The following HMX3 variants were observed in gnomAD, a reference collection of about 807,000 sequenced individuals.
The protein encoded by HMX3 is homeobox protein HMX3.
In HMX3, 8 loss-of-function variants were observed where a neutral mutation model predicts 22.8. That is an observed-to-expected ratio of 0.35 (90% CI 0.21 to 0.63). The LOEUF (loss-of-function observed/expected upper bound fraction) is 0.63, where lower values mean the gene tolerates loss of function less well. HMX3 is among the 30% of genes least tolerant of loss of function. The pLI is 0.72. For synonymous variants in HMX3, 331 were observed against 250.9 expected (o/e 1.32, Z -3.02); for missense variants, 527 against 520.6 (o/e 1.01, Z -0.12).
Position 123,137,356 on chromosome 10 carries a change from C to G in HMX3, c.699C>G (p.Val233=). The G allele has an allele frequency of 6.2e-7, 1 of 1,613,194 alleles. No individual in the cohort carries two copies. Among genetic ancestry groups the G allele is most frequent in the Non-Finnish European group, 8.5e-7 (1 of 1,179,888 alleles). ...GCCGCAAGAAGAAGACGCGCACAGT[C>G]TTCTCGCGCAGCCAGGTCTTCCAGC... is the stretch of plus-strand genomic sequence containing the variant. The part of the protein sequence containing the change: ...PACRKKKTRT[V]FSRSQVFQLE... The change falls in exon 2 of 2, where the codon GTC becomes GTG. Residue 233 remains valine (V), a synonymous_variant. Transcript: ENST00000357878. The surrounding 1 kb of genome is among the most constrained non-coding windows in gnomAD (Gnocchi z 5.8).
rs1844101823 is a variant in HMX3, at chr10:123,138,384, G to A, written c.*653G>A. Among the ~76,000 whole-genome samples, 1 of 152,168 alleles carries A rather than the reference G, an allele frequency of 6.6e-6. No homozygotes were observed. The highest frequency in any genetic ancestry group is 2.1e-4 in the South Asian group (1 of 4,826). On this transcript the variant is annotated 3_prime_UTR_variant, in exon 2 of 2. Transcript: ENST00000357878. ...AGGCTGGTCTTGAGCTCCTGACCTC[G>A]TGATCCGCCCGCCTCGGCCTCCCAA...
rs1589677911 is a variant in HMX3 at position 123,136,045 on chromosome 10, G to C, written c.-6G>C. On this transcript the variant is annotated 5_prime_UTR_variant, in exon 1 of 2. Transcript: ENST00000357878. The surrounding 1 kb of genome is among the most constrained non-coding windows in gnomAD (Gnocchi z 4.8). ...TCCCTCCCGGGGACCCGGAGGAGAGGGGACCATGCCGGAACCCGGGCCGGA... is the reference window on the plus strand; with the variant it reads ...TCCCTCCCGGGGACCCGGAGGAGAGCGGACCATGCCGGAACCCGGGCCGGA... 8 of 1,375,202 alleles carry C rather than the reference G, an allele frequency of 5.8e-6. No individual in the cohort carries two copies. In the East Asian group the frequency reaches 2.5e-4, roughly 42 times the overall value. 85.2% of individuals were successfully genotyped at this position (1,375,202 alleles called of 1,614,324 possible).
rs985029795 is a variant in HMX3 at position 123,138,420 on chromosome 10, T to C, written c.*689T>C. On this transcript the variant is annotated 3_prime_UTR_variant, in exon 2 of 2. Coordinates refer to ENST00000357878, the MANE Select transcript of HMX3 (RefSeq NM_001105574.2). ...GCCTCGGCCTCCCAAAGTGCTGGGA[T>C]TACAGGCGTGAGCCACTGCGCCCGG... Among the ~76,000 whole-genome samples, 1 of 152,164 alleles carries C rather than the reference T, an allele frequency of 6.6e-6. No homozygotes were observed. The highest frequency in any genetic ancestry group is 2.4e-5 in the African/African-American group (1 of 41,436).
Position 123,136,724 on chromosome 10 carries a change from G to A in HMX3, c.400+274G>A, listed in dbSNP as rs913288221. ...AATAGGGAGGCTTCGGACGGCCGGG[G>A]CTTGGGACACGGCCTGGAAGGAGGG... On this transcript the variant is annotated intron_variant, in intron 1 of 1. Coordinates refer to ENST00000357878, the MANE Select transcript of HMX3 (RefSeq NM_001105574.2). The surrounding 1 kb of genome is among the most constrained non-coding windows in gnomAD (Gnocchi z 4.8). Among the ~76,000 whole-genome samples the A allele has an allele frequency of 6.6e-6, 1 of 152,204 alleles. No homozygotes were observed. Among genetic ancestry groups the A allele is most frequent in the African/African-American group, 2.4e-5 (1 of 41,448 alleles).
Position 123,137,464 on chromosome 10 carries a change from G to A in HMX3, c.807G>A (p.Thr269=), listed in dbSNP as rs1220543013. Residue 269 remains threonine, a synonymous_variant, in exon 2 of 2, where the codon ACG becomes ACA. Coordinates refer to ENST00000357878, the MANE Select transcript of HMX3 (RefSeq NM_001105574.2). The surrounding 1 kb of genome is among the most constrained non-coding windows in gnomAD (Gnocchi z 5.8). ...CCGCGTCCCTGCACCTCACCGAGAC[G>A]CAGGTCAAGATCTGGTTCCAGAACC... is the stretch of plus-strand genomic sequence containing the variant. ...GLAASLHLTE[T]QVKIWFQNRR... The A allele has an allele frequency of 1.1e-5, 17 of 1,613,098 alleles. No individual in the cohort carries two copies. Among genetic ancestry groups the A allele is most frequent in the Non-Finnish European group, 1.4e-5 (16 of 1,179,914 alleles).
Position 123,136,597 on chromosome 10 carries a change from G to C in HMX3, c.400+147G>C. ...TTTTCGGCCCCTAGCCTGCCCTCGC[G>C]CTGGGTTGCGCTGCCCGTTAATCCA... On this transcript the variant is annotated intron_variant, in intron 1 of 1. Transcript: ENST00000357878. The surrounding 1 kb of genome is among the most constrained non-coding windows in gnomAD (Gnocchi z 4.8). The C allele has an allele frequency of 7.3e-6, 4 of 545,146 alleles. No individual in the cohort carries two copies. Among genetic ancestry groups the C allele is most frequent in the Non-Finnish European group, 1.1e-5 (4 of 348,712 alleles). 33.8% of individuals were successfully genotyped at this position (545,146 alleles called of 1,614,324 possible). A position where few individuals can be genotyped will look rare whatever the true frequency, so the allele number is the denominator to read the frequency against.
rs757086716 is a variant in HMX3, at chr10:123,137,509, G to C, written c.852G>C (p.Arg284=). ...WFQNRRNKWK[R]QLAAELEAAN... ...AGAACCGCCGCAACAAGTGGAAGCG[G>C]CAGCTGGCGGCGGAGCTGGAGGCGG... The change falls in exon 2 of 2, where the codon CGG becomes CGC. Residue 284 remains arginine, a synonymous_variant. Coordinates refer to ENST00000357878, the MANE Select transcript of HMX3 (RefSeq NM_001105574.2). This position sits in a 1 kb window ranked among gnomAD's most constrained non-coding sequence, Gnocchi z 5.8. 5 of 1,612,740 alleles carry C rather than the reference G, an allele frequency of 3.1e-6. No individual in the cohort carries two copies. The Admixed American group carries it at 8.3e-5, about 27-fold the overall frequency.
chr10:123,138,412 T>C lies in HMX3; in HGVS notation c.*681T>C, dbSNP rs1470766856. Among the ~76,000 whole-genome samples, 1 of 152,146 alleles carries C rather than the reference T, an allele frequency of 6.6e-6. No homozygotes were observed. The highest frequency in any genetic ancestry group is 2.4e-5 in the African/African-American group (1 of 41,432). ...ATCCGCCCGCCTCGGCCTCCCAAAG[T>C]GCTGGGATTACAGGCGTGAGCCACT... On this transcript the variant is annotated 3_prime_UTR_variant, in exon 2 of 2. Transcript: ENST00000357878.
At position 123,136,140 on chromosome 10, in the gene HMX3, G is replaced by A. The variant is rs201518175; in HGVS notation, c.90G>A (p.Pro30=). Residue 30 remains proline, a synonymous_variant, in exon 1 of 2, where the codon CCG becomes CCA. Transcript: ENST00000357878. The surrounding 1 kb of genome is among the most constrained non-coding windows in gnomAD (Gnocchi z 4.8). ...CCCCACCCGCTCCCAAGGAGTCCCC[G>A]TTCTCCATCAAGAACCTGCTCAACG... The part of the protein sequence containing the change: ...PPPPPAPKES[P]FSIKNLLNGD... The A allele has an allele frequency of 0.021, 11,642 of 566,122 alleles. 162 individuals are homozygous for A. Among genetic ancestry groups the A allele is most frequent in the East Asian group, 0.15 (2,020 of 13,798 alleles). 35.1% of individuals were successfully genotyped at this position (566,122 alleles called of 1,614,324 possible).
chr10:123,139,232 C>A lies in HMX3; in HGVS notation c.*1501C>A, dbSNP rs878939610. Among the ~76,000 whole-genome samples, 2 of 152,080 alleles carry A rather than the reference C, an allele frequency of 1.3e-5. No individual in the cohort carries two copies. The highest frequency in any genetic ancestry group is 2.9e-5 in the Non-Finnish European group (2 of 68,004). ...ACCCTCTACTCCGCAGGGCTCCTGG[C>A]TCTGTCACCCAATCTGTTTTCTTTC... On this transcript the variant is annotated 3_prime_UTR_variant, in exon 2 of 2. Transcript: ENST00000357878.
rs960461497 is a variant in HMX3 at position 123,138,365 on chromosome 10, G to T, written c.*634G>T. ...CGGTTTCACCATGTTGGCCAGGCTGGTCTTGAGCTCCTGACCTCGTGATCC... is the reference window on the plus strand; with the variant it reads ...CGGTTTCACCATGTTGGCCAGGCTGTTCTTGAGCTCCTGACCTCGTGATCC... On this transcript the variant is annotated 3_prime_UTR_variant, in exon 2 of 2. Coordinates refer to ENST00000357878, the MANE Select transcript of HMX3 (RefSeq NM_001105574.2). Among the ~76,000 whole-genome samples the T allele has an allele frequency of 1.2e-4, 18 of 151,938 alleles. No individual in the cohort carries two copies. The highest frequency in any genetic ancestry group is 1.9e-4 in the Non-Finnish European group (13 of 67,942).
Position 123,137,802 on chromosome 10 carries a change from G to C in HMX3, c.*71G>C. ...ACCCCGGAGGAGACTGGGCCGGGCC[G>C]AGGGCGCCGAGAAGTCCAGCGGCCT... On this transcript the variant is annotated 3_prime_UTR_variant, in exon 2 of 2. Coordinates refer to ENST00000357878, the MANE Select transcript of HMX3 (RefSeq NM_001105574.2). The surrounding 1 kb of genome is among the most constrained non-coding windows in gnomAD (Gnocchi z 5.8). The C allele has an allele frequency of 2.5e-6, 3 of 1,215,786 alleles. No homozygotes were observed. The highest frequency in any genetic ancestry group is 1.6e-5 in the African/African-American group (1 of 62,210). The allele number at this position is 1,215,786 out of a possible 1,614,324, so 75.3% of individuals were successfully genotyped here.
chr10:123,136,972 GT>G lies in HMX3; in HGVS notation c.401-84del. On this transcript the variant is annotated intron_variant, in intron 1 of 1. Transcript: ENST00000357878. The surrounding 1 kb of genome is among the most constrained non-coding windows in gnomAD (Gnocchi z 4.8). ...GCCTGGGACCTGGAGGCCGGCGCGG[GT>G]TGAGCCTGCCGTCCCCAGGCGCCGG... is the stretch of plus-strand genomic sequence containing the variant. 1 of 1,440,678 alleles carries G rather than the reference GT, an allele frequency of 6.9e-7. No individual in the cohort carries two copies. The highest frequency in any genetic ancestry group is 9.2e-7 in the Non-Finnish European group (1 of 1,089,272). The allele number at this position is 1,440,678 out of a possible 1,614,324, so 89.2% of individuals were successfully genotyped here. A position where few individuals can be genotyped will look rare whatever the true frequency, so the allele number is the denominator to read the frequency against.
chr10:123,136,424 C>T lies in HMX3; in HGVS notation c.374C>T (p.Ala125Val). The T allele has an allele frequency of 1.3e-6, 2 of 1,481,526 alleles. No individual in the cohort carries two copies. The highest frequency in any genetic ancestry group is 1.8e-6 in the Non-Finnish European group (2 of 1,113,408). 91.8% of individuals were successfully genotyped at this position (1,481,526 alleles called of 1,614,324 possible). The stretch of plus-strand genomic sequence containing the variant: ...TGGTACCCCTACACCCTGACCCCCG[C>T]CGGCGGCCACCTCCCGCGACCTGAA... ...AWWYPYTLTP[A>V]GGHLPRPEAS... Residue 125 changes from alanine (A) to valine (V), a missense_variant, in exon 1 of 2, where the codon GCC becomes GTC. Transcript: ENST00000357878. This position sits in a 1 kb window ranked among gnomAD's most constrained non-coding sequence, Gnocchi z 4.8.
rs1190645562 is a variant in HMX3, at chr10:123,138,035, A to G, written c.*304A>G. Among the ~76,000 whole-genome samples the G allele has an allele frequency of 1.3e-5, 2 of 152,244 alleles. No homozygotes were observed. Among genetic ancestry groups the G allele is most frequent in the Non-Finnish European group, 2.9e-5 (2 of 68,046 alleles). On this transcript the variant is annotated 3_prime_UTR_variant, in exon 2 of 2. Coordinates refer to ENST00000357878, the MANE Select transcript of HMX3 (RefSeq NM_001105574.2). ...AGAGATTTCGGCCGATAGTTTTTGT[A>G]AAATGTGCAGCCCTCCCTTCCAAAT...
In HMX3 at chr10:123,136,108, C is replaced by A; in HGVS notation, c.58C>A (p.Pro20Thr). 7.3e-7 allele frequency: 1 copy of A among 1,376,408 alleles called. No individual in the cohort carries two copies. 85.3% of individuals were successfully genotyped at this position (1,376,408 alleles called of 1,614,324 possible). The change falls in exon 1 of 2, where the codon CCG (proline) becomes ACG (threonine). Residue 20 changes from proline to threonine, a missense_variant. By Grantham distance (38) the Pro-to-Thr change is conservative (BLOSUM62 -1). Around this residue, in one of 3 missense-constraint regions of HMX3, gnomAD observed 386 missense variants for 337.8 expected, o/e 1.14. Transcript: ENST00000357878. The surrounding 1 kb of genome is among the most constrained non-coding windows in gnomAD (Gnocchi z 4.8). The stretch of plus-strand genomic sequence containing the variant: ...CGCCAGCGCACAGCCCCAACCGCCG[C>A]CGCCCCCCCCACCCGCTCCCAAGGA... ...GTASAQPQPP[P>T]PPPPAPKESP...
Position 123,138,749 on chromosome 10 carries a change from C to T in HMX3, c.*1018C>T, listed in dbSNP as rs974603663. 3.9e-5 allele frequency among the ~76,000 whole-genome samples: 6 copies of T among 152,198 alleles called. No homozygotes were observed. Among genetic ancestry groups the T allele is most frequent in the Admixed American group, 1.3e-4 (2 of 15,288 alleles). ...AAATCAGAACTCTGACTATTTGAAA[C>T]AGCTCCATATCTGGCCTGGTCTAAG... is the stretch of plus-strand genomic sequence containing the variant. On this transcript the variant is annotated 3_prime_UTR_variant, in exon 2 of 2. Coordinates refer to ENST00000357878, the MANE Select transcript of HMX3 (RefSeq NM_001105574.2).
chr10:123,136,349 C>A lies in HMX3; in HGVS notation c.299C>A (p.Ala100Glu). Residue 100 changes from alanine to glutamate, a missense_variant, in exon 1 of 2, where the codon GCG (alanine) becomes GAG (glutamate). Ala to Glu is a moderately radical substitution (Grantham distance 107). Around this residue, in one of 3 missense-constraint regions of HMX3, gnomAD observed 386 missense variants for 337.8 expected, o/e 1.14. Transcript: ENST00000357878. The surrounding 1 kb of genome is among the most constrained non-coding windows in gnomAD (Gnocchi z 4.8). Reference sequence around the variant, plus strand: ...GCTTTCCCTCGCTTTGAGATCCCGGCGCAGAGGTTTGCCCTGCCCGCGCAC... The same window carrying A: ...GCTTTCCCTCGCTTTGAGATCCCGGAGCAGAGGTTTGCCCTGCCCGCGCAC... ...DLAFPRFEIP[A>E]QRFALPAHYL... 41 of 1,571,596 alleles carry A rather than the reference C, an allele frequency of 2.6e-5. No homozygotes were observed. The highest frequency in any genetic ancestry group is 3.4e-5 in the Non-Finnish European group (40 of 1,160,078).
At position 123,139,310 on chromosome 10, in the gene HMX3, C is replaced by A. The variant is rs1268706361; in HGVS notation, c.*1579C>A. ...GTTTGTTTCCCCTCATCTCCCTCAC[C>A]TCTGCCTGGGTTGAGTCCCTTTTTA... is the stretch of plus-strand genomic sequence containing the variant. On this transcript the variant is annotated 3_prime_UTR_variant, in exon 2 of 2. Transcript: ENST00000357878. Among the ~76,000 whole-genome samples the A allele has an allele frequency of 6.6e-6, 1 of 151,778 alleles. No homozygotes were observed. Among genetic ancestry groups the A allele is most frequent in the South Asian group, 2.1e-4 (1 of 4,818 alleles).
Sources: allele counts gnomAD v4.1 joint callset (sites outside exome capture counted in the v4.1 genomes callset), GRCh38; gene constraint gnomAD v4.1.1; regional missense constraint gnomAD v4.1.1; non-coding constraint Gnocchi (gnomAD v3.1); transcripts MANE v1.5; gene names NCBI Gene and HGNC (gene_info 2026-07-23, HGNC 2026-07-21).